DCDC2: variants seen among roughly 807,000 people sequenced by gnomAD.
DCDC2 encodes the protein doublecortin domain-containing protein 2.
A neutral mutation model predicts 50.2 loss-of-function variants in DCDC2; 40 were observed. That is an observed-to-expected ratio of 0.80 (90% CI 0.62 to 1.04). The LOEUF is 1.04. DCDC2 is among the 50% of genes least tolerant of loss of function. The pLI is 0.00. For synonymous variants in DCDC2, 234 were observed against 210.6 expected (o/e 1.11, Z -0.96); for missense variants, 570 against 581.9 (o/e 0.98, Z 0.21).
chr6:24,375,216 T>C, the DCDC2 span, among the ~76,000 whole-genome samples: 1 of 152,104 alleles, frequency 6.6e-6, no homozygotes. Context: ...CCCTGTGGAA[T>C]GAGGTGAAAA....
At chr6:24,212,289 A>G (rs1224593743) in intron 7 of DCDC2, among the ~76,000 whole-genome samples, 1 of 152,222 alleles carries the variant, frequency 6.6e-6, no homozygotes, top group Non-Finnish European at 1.5e-5. Flanking sequence ...GAACATCTGC[A>G]GTGGCCACCA....
chr6:24,341,618 A>G (rs757035950), intron 2 of DCDC2, among the ~76,000 whole-genome samples: 1 of 152,110 alleles, frequency 6.6e-6, no homozygotes, highest in Admixed American at 6.5e-5. Flanking sequence ...CTTTCGAGAC[A>G]TGGACCTTTT....
chr6:24,179,988 G>A (rs192300373), intron 8 of DCDC2, among the ~76,000 whole-genome samples: 5 of 150,886 alleles, frequency 3.3e-5, no homozygotes, highest in African/African-American at 9.7e-5. Context: ...GTGGGGGAGG[G>A]AACAGGAGGC....
chr6:24,247,061 C>G (rs1422371340), intron 7 of DCDC2, among the ~76,000 whole-genome samples: 2 of 152,036 alleles, frequency 1.3e-5, no homozygotes, highest in East Asian at 1.9e-4. Context: ...CTGGTCTTAA[C>G]ATATATAAAG....
chr6:24,238,823 G>A (rs1762507262), intron 7 of DCDC2, among the ~76,000 whole-genome samples: 1 of 152,182 alleles, frequency 6.6e-6, no homozygotes, highest in South Asian at 2.1e-4. Context: ...GAAGATTACA[G>A]GGAATAGATT....
intron 2 of DCDC2, among the ~76,000 whole-genome samples, chr6:24,351,870 C>T (rs1226256752): frequency 1.3e-5 from 2 of 152,138 alleles, no homozygotes; most frequent in Non-Finnish European, 2.9e-5. Context: ...CTTTGGGAGG[C>T]CAAGGCGGGC....
chr6:24,350,334 A>C (rs1442908134), intron 2 of DCDC2, among the ~76,000 whole-genome samples: 1 of 152,204 alleles, frequency 6.6e-6, no homozygotes, highest in Non-Finnish European at 1.5e-5. Context: ...CTGGAAAAGG[A>C]GAAGGAATAA....
At chr6:24,356,355 G>A (rs1760466326) in intron 1 of DCDC2, among the ~76,000 whole-genome samples, 1 of 152,090 alleles carries the variant, frequency 6.6e-6, no homozygotes. Flanking sequence ...GTCCAGAATA[G>A]ACAAATCCAT....
intron 2 of DCDC2, among the ~76,000 whole-genome samples, chr6:24,338,820 A>G (rs954549700): frequency 2.6e-5 from 4 of 151,856 alleles, no homozygotes; most frequent in African/African-American, 9.7e-5. Flanking sequence ...TAATTTTTGT[A>G]TTTTTAGTAG....
intron 7 of DCDC2, among the ~76,000 whole-genome samples, chr6:24,207,682 T>C (rs1437284154): frequency 6.6e-6 from 1 of 152,190 alleles, no homozygotes; most frequent in African/African-American, 2.4e-5. Flanking sequence ...CTTAGGAGTT[T>C]GTTTTCCAAG....
chr6:24,260,269 C>T (rs996529399), intron 7 of DCDC2, among the ~76,000 whole-genome samples: 1 of 152,104 alleles, frequency 6.6e-6, no homozygotes, highest in African/African-American at 2.4e-5. Flanking sequence ...TAATGGGTTG[C>T]CGGTTCCCAC....
intron 7 of DCDC2, among the ~76,000 whole-genome samples, chr6:24,206,616 T>C (rs569337409): frequency 6.6e-6 from 1 of 152,300 alleles, no homozygotes; most frequent in East Asian, 1.9e-4. Context: ...AGGAATACAG[T>C]CTTAATACTC....
chr6:24,210,418 C>T (rs1000413958), intron 7 of DCDC2, among the ~76,000 whole-genome samples: 4 of 152,188 alleles, frequency 2.6e-5, no homozygotes, highest in African/African-American at 9.7e-5. Flanking sequence ...CCCTAAACTG[C>T]TCATCCCCCA....
the DCDC2 span, among the ~76,000 whole-genome samples, chr6:24,373,978 C>T: frequency 6.6e-6 from 1 of 151,806 alleles, no homozygotes; most frequent in East Asian, 2.0e-4. Context: ...CTGGCTAACA[C>T]AGTGAAACCC....
chr6:24,260,902 T>C (rs1157860501), intron 7 of DCDC2, among the ~76,000 whole-genome samples: 3 of 152,340 alleles, frequency 2.0e-5, no homozygotes, highest in Non-Finnish European at 4.4e-5. Context: ...CACTGCTTAT[T>C]CCAATATTGG....
At chr6:24,359,295 ATT>A (rs1302237808), upstream of DCDC2, among the ~76,000 whole-genome samples, 5 of 67,620 alleles carry the variant, frequency 7.4e-5, no homozygotes, top group East Asian at 4.9e-4. Flanking sequence ...TATATTTTAT[ATT>A]TTTTATATAT....
chr6:24,302,164 C>G, intron 2 of DCDC2, 120 bp from the exon 3 acceptor site: 1 of 815,894 alleles, frequency 1.2e-6, no homozygotes, highest in Non-Finnish European at 1.9e-6. Context: ...TTTGTTAAAA[C>G]CTTGCTTTTC....
intron 7 of DCDC2, among the ~76,000 whole-genome samples, chr6:24,220,122 G>T (rs1018539231): frequency 6.6e-6 from 1 of 152,110 alleles, no homozygotes; most frequent in Non-Finnish European, 1.5e-5. Flanking sequence ...AGGTAAAGAG[G>T]GTTGGTAGAA....
intron 8 of DCDC2, among the ~76,000 whole-genome samples, chr6:24,182,352 A>T (rs1312248158): frequency 6.6e-6 from 1 of 152,150 alleles, no homozygotes; most frequent in Non-Finnish European, 1.5e-5. Flanking sequence ...AAAAGACAAT[A>T]CCAACAGAGT....
Sources: allele counts gnomAD v4.1 joint callset (sites outside exome capture counted in the v4.1 genomes callset), GRCh38; gene constraint gnomAD v4.1.1; transcripts MANE v1.5; gene names NCBI Gene and HGNC (gene_info 2026-07-23, HGNC 2026-07-21).